The following DLAT variants were observed in gnomAD, a reference collection of about 807,000 sequenced individuals.
DLAT encodes dihydrolipoyllysine-residue acetyltransferase component of pyruvate dehydrogenase complex, mitochondrial.
Under a neutral mutation model 68.0 loss-of-function variants are expected in DLAT, and 43 were observed. That is an observed-to-expected ratio of 0.63 (90% CI 0.50 to 0.81). The LOEUF is 0.81. DLAT is among the 40% of genes least tolerant of loss of function. DLAT has a pLI of 0.00. For missense variants in DLAT, 745 were observed against 815.4 expected (o/e 0.91, Z 1.05); for synonymous variants, 265 against 288.6 (o/e 0.92, Z 0.83).
intron 7 of DLAT, among the ~76,000 whole-genome samples, chr11:112,040,841 A>G (rs1276451126): frequency 1.3e-5 from 2 of 152,080 alleles, no homozygotes; most frequent in African/African-American, 4.8e-5. Flanking sequence ...AAGAAGGACC[A>G]TTTATTAGAT....
chr11:112,026,140 C>T, intron 1 of DLAT, 58 bp from the exon 2 acceptor site: 2 of 1,285,162 alleles, frequency 1.6e-6, no homozygotes, highest in Non-Finnish European at 2.2e-6. Flanking sequence ...AATCTTAAGC[C>T]AGACTGAGAG....
intron 8 of DLAT, 80 bp from the exon 9 acceptor site, chr11:112,045,058 A>G (rs782179952): frequency 1.4e-5 from 15 of 1,035,428 alleles, no homozygotes; most frequent in Middle Eastern, 4.1e-4. Context: ...AAAAAACTGC[A>G]TAGTCACTGG....
chr11:112,061,101 A>C lies in DLAT; in HGVS notation c.1741A>C (p.Asn581His). 6.2e-7 allele frequency: 1 copy of C among 1,613,968 alleles called. No homozygotes were observed. The highest frequency in any genetic ancestry group is 8.5e-7 in the Non-Finnish European group (1 of 1,179,848). Reference sequence around the variant, plus strand: ...AATTAAGAATTTCTCTGCTATTATTAACCCACCTCAAGCATGTATTTTGGC... The same window carrying C: ...AATTAAGAATTTCTCTGCTATTATTCACCCACCTCAAGCATGTATTTTGGC... ...FGIKNFSAII[N>H]PPQACILAIG... Residue 581 changes from asparagine (N) to histidine (H), a missense_variant, in exon 13 of 14, where the codon AAC becomes CAC. By Grantham distance (68) the Asn-to-His change is moderately conservative (BLOSUM62 1). Coordinates refer to ENST00000280346, the MANE Select transcript of DLAT (RefSeq NM_001931.5).
At chr11:112,054,560 C>T (rs1208648515) in intron 11 of DLAT, among the ~76,000 whole-genome samples, 1 of 152,092 alleles carries the variant, frequency 6.6e-6, no homozygotes, top group African/African-American at 2.4e-5. Context: ...ATTCAGAAAC[C>T]ATTAAACCAT....
chr11:112,033,878 C>G (rs1329415408), intron 5 of DLAT, among the ~76,000 whole-genome samples: 1 of 152,058 alleles, frequency 6.6e-6, no homozygotes, highest in Admixed American at 6.6e-5. Context: ...CCTGAACCAC[C>G]ACACCTAGCT....
At position 112,025,574 on chromosome 11, in the gene DLAT, G is replaced by C. The variant is rs1433128393; in HGVS notation, c.102G>C (p.Val34=). The C allele has an allele frequency of 2.5e-6, 4 of 1,613,908 alleles. No individual in the cohort carries two copies. The highest frequency in any genetic ancestry group is 3.4e-6 in the Non-Finnish European group (4 of 1,179,996). Residue 34 remains valine (V), a synonymous_variant, in exon 1 of 14, where the codon GTG becomes GTC. Coordinates refer to ENST00000280346, the MANE Select transcript of DLAT (RefSeq NM_001931.5). ...ALQEVPGTPR[V]TSRSGPAPAR... ...AGGAGGTACCCGGAACTCCACGAGT[G>C]ACCTCGCGATCTGGCCCGGCTCCCG...
intron 6 of DLAT, 77 bp downstream of exon 6, chr11:112,037,537 C>T: frequency 7.1e-7 from 1 of 1,417,596 alleles, no homozygotes; most frequent in Non-Finnish European, 9.9e-7. Context: ...AGATGATATC[C>T]TAGGTTCCTT....
At chr11:112,035,062 C>T (rs1862628768) in intron 5 of DLAT, among the ~76,000 whole-genome samples, 1 of 152,158 alleles carries the variant, frequency 6.6e-6, no homozygotes, top group Non-Finnish European at 1.5e-5. Context: ...AGGCATAAGC[C>T]ACCGCACCCA....
chr11:112,061,107 C>A lies in DLAT; in HGVS notation c.1747C>A (p.Pro583Thr), dbSNP rs781906137. 6.2e-7 allele frequency: 1 copy of A among 1,614,006 alleles called. No homozygotes were observed. The highest frequency in any genetic ancestry group is 1.1e-5 in the South Asian group (1 of 91,068). ...GAATTTCTCTGCTATTATTAACCCACCTCAAGCATGTATTTTGGCAATTGG... is the reference window on the plus strand; with the variant it reads ...GAATTTCTCTGCTATTATTAACCCAACTCAAGCATGTATTTTGGCAATTGG... ...IKNFSAIINP[P>T]QACILAIGAS... Residue 583 changes from proline to threonine, a missense_variant, in exon 13 of 14, where the codon CCT (proline) becomes ACT (threonine). Transcript: ENST00000280346.
chr11:112,040,202 G>A (rs1555180918), intron 7 of DLAT, among the ~76,000 whole-genome samples: 1 of 152,146 alleles, frequency 6.6e-6, no homozygotes, highest in Non-Finnish European at 1.5e-5. Flanking sequence ...AAAATTTAGT[G>A]TAGGATAACT....
At chr11:112,030,926 G>C (rs941784182) in intron 4 of DLAT, among the ~76,000 whole-genome samples, 3 of 152,176 alleles carry the variant, frequency 2.0e-5, no homozygotes, top group African/African-American at 7.2e-5. Context: ...ATTACATGCT[G>C]TTCGGCAAAT....
At chr11:112,039,008 T>C (rs1862916401) in intron 6 of DLAT, among the ~76,000 whole-genome samples, 1 of 152,332 alleles carries the variant, frequency 6.6e-6, no homozygotes. Context: ...CTTCATGTTG[T>C]TATGGAATAA....
At chr11:112,042,046 A>G (rs139235932) in intron 7 of DLAT, among the ~76,000 whole-genome samples, 14 of 152,366 alleles carry the variant, frequency 9.2e-5, no homozygotes, top group Non-Finnish European at 1.9e-4. Flanking sequence ...TGAGAAATTT[A>G]AGCAAAGAAG....
At position 112,063,118 on chromosome 11, in the gene DLAT, C is replaced by T. The variant is rs926359546; in HGVS notation, c.*583C>T. 2.6e-5 allele frequency: 4 copies of T among 153,706 alleles called. No homozygotes were observed. Among genetic ancestry groups the T allele is most frequent in the Non-Finnish European group, 5.8e-5 (4 of 69,104 alleles). 9.5% of individuals were successfully genotyped at this position (153,706 alleles called of 1,614,324 possible). A position where few individuals can be genotyped will look rare whatever the true frequency, so the allele number is the denominator to read the frequency against. On this transcript the variant is annotated 3_prime_UTR_variant, in exon 14 of 14. Coordinates refer to ENST00000280346, the MANE Select transcript of DLAT (RefSeq NM_001931.5). ...TTTAAAAGTCAGCATTTTCTTAGACCTCTTCAGCTGATTGTTTATTTTTCT... is the reference window on the plus strand; with the variant it reads ...TTTAAAAGTCAGCATTTTCTTAGACTTCTTCAGCTGATTGTTTATTTTTCT...
chr11:112,062,613 T>C lies in DLAT; in HGVS notation c.*78T>C, dbSNP rs1156495805. 5.3e-6 allele frequency: 8 copies of C among 1,497,540 alleles called. No homozygotes were observed. The highest frequency in any genetic ancestry group is 1.8e-5 in the Admixed American group (1 of 55,914). The allele number at this position is 1,497,540 out of a possible 1,614,324, so 92.8% of individuals were successfully genotyped here. On this transcript the variant is annotated 3_prime_UTR_variant, in exon 14 of 14. Transcript: ENST00000280346. ...AGATATTTATATGTTATTAAACAGG[T>C]GGTTCTTTTTATTTTAACCAGTTAT...
At chr11:112,036,244 G>A (rs797026596) in intron 5 of DLAT, among the ~76,000 whole-genome samples, 5 of 62,538 alleles carry the variant, frequency 8.0e-5, no homozygotes, top group African/African-American at 1.9e-4. Flanking sequence ...ACGGAGTTTC[G>A]CTCTTGTTGC....
At chr11:112,054,089 G>A (rs1057092129) in intron 11 of DLAT, among the ~76,000 whole-genome samples, 4 of 151,604 alleles carry the variant, frequency 2.6e-5, no homozygotes, top group East Asian at 1.9e-4. Flanking sequence ...CAGGTGGATC[G>A]CCTGAGGTCA....
intron 5 of DLAT, chr11:112,036,813 T>C (rs187429733): frequency 2.0e-4 from 33 of 163,056 alleles, no homozygotes; most frequent in East Asian, 1.4e-3. Flanking sequence ...CCAACATTAG[T>C]ATCTAGGTTG....
chr11:112,029,089 T>C, intron 4 of DLAT, 144 bp downstream of exon 4: 3 of 900,840 alleles, frequency 3.3e-6, no homozygotes, highest in Non-Finnish European at 1.7e-6. Flanking sequence ...AACATGAAGA[T>C]TGACAACTAT....
Sources: allele counts gnomAD v4.1 joint callset (sites outside exome capture counted in the v4.1 genomes callset), GRCh38; gene constraint gnomAD v4.1.1; transcripts MANE v1.5; gene names NCBI Gene and HGNC (gene_info 2026-07-23, HGNC 2026-07-21).